CDK17: variants seen among roughly 807,000 people sequenced by gnomAD.
CDK17 encodes the protein cyclin dependent kinase 17, also known as cyclin-dependent kinase 17.
CDK17 carries 24 observed loss-of-function variants against 77.6 expected under a neutral mutation model. The observed-to-expected ratio is 0.31, with a 90% confidence interval of 0.22 to 0.44. The LOEUF (loss-of-function observed/expected upper bound fraction) is 0.44, where lower values mean the gene tolerates loss of function less well. Among genes scored for constraint, CDK17 ranks in the 20% least tolerant of loss-of-function variants. The pLI, the probability that CDK17 is intolerant of heterozygous loss-of-function variation, is 1.00. For missense variants in CDK17, 429 were observed against 622.5 expected (o/e 0.69, Z 3.31); for synonymous variants, 203 against 210.4 (o/e 0.96, Z 0.30).
chr12:96,363,533 A>G (rs1201173246), intron 1 of CDK17, among the ~76,000 whole-genome samples: 3 of 151,432 alleles, frequency 2.0e-5, no homozygotes, highest in Non-Finnish European at 4.4e-5. Flanking sequence ...TACTTTTTCA[A>G]GAGATTGTGA....
chr12:96,387,123 A>G, intron 1 of CDK17: 1 of 292,418 alleles, frequency 3.4e-6, no homozygotes, highest in South Asian at 4.4e-5. Context: ...TGTTCCATAG[A>G]CCTGTGTTCC....
At chr12:96,337,780 CTACTT>C (rs917995076) in intron 1 of CDK17, among the ~76,000 whole-genome samples, 1 of 152,136 alleles carries the variant, frequency 6.6e-6, no homozygotes, top group Non-Finnish European at 1.5e-5. Flanking sequence ...AGACTTTACA[CTACTT>C]TACACTAGAG....
chr12:96,342,287 C>A (rs1316532628), intron 1 of CDK17, among the ~76,000 whole-genome samples: 1 of 152,204 alleles, frequency 6.6e-6, no homozygotes, highest in Non-Finnish European at 1.5e-5. Context: ...ATGACAAATA[C>A]CCAACACACT....
intron 5 of CDK17, among the ~76,000 whole-genome samples, chr12:96,308,431 T>C (rs1299457854): frequency 6.6e-6 from 1 of 151,398 alleles, no homozygotes; most frequent in African/African-American, 2.4e-5. Flanking sequence ...AGTTCCATTA[T>C]ATAATAATAT....
intron 1 of CDK17, among the ~76,000 whole-genome samples, chr12:96,342,727 G>C (rs1953139848): frequency 6.6e-6 from 1 of 152,120 alleles, no homozygotes; most frequent in Non-Finnish European, 1.5e-5. Flanking sequence ...CAATTTGGGA[G>C]GCCAAGGCAG....
chr12:96,398,198 G>A (rs755083073), intron 1 of CDK17, among the ~76,000 whole-genome samples: 3 of 151,748 alleles, frequency 2.0e-5, no homozygotes, highest in East Asian at 3.9e-4. Context: ...TGGTTTACCA[G>A]ATAAAGTAAC....
intron 1 of CDK17, among the ~76,000 whole-genome samples, chr12:96,365,290 C>A (rs1238207059): frequency 6.6e-6 from 1 of 152,102 alleles, no homozygotes; most frequent in Non-Finnish European, 1.5e-5. Context: ...ATGGAGTTTA[C>A]AGAGTCTTTA....
intron 1 of CDK17, among the ~76,000 whole-genome samples, chr12:96,363,112 CA>C (rs1953522528): frequency 1.3e-5 from 2 of 152,212 alleles, no homozygotes; most frequent in East Asian, 3.9e-4. Context: ...ATACCACTTC[CA>C]GTTACGAAAG....
chr12:96,399,942 G>C (rs1039377051), intron 1 of CDK17, 44 bp downstream of exon 1: 1 of 340,608 alleles, frequency 2.9e-6, no homozygotes. Context: ...CGGCCGACCC[G>C]ACACCAGGGG....
rs1010781980 is a variant in CDK17 at position 96,282,598 on chromosome 12, T to C, written c.1367A>G (p.Tyr456Cys). The change falls in exon 15 of 17, where the codon TAT becomes TGT. Residue 456 changes from tyrosine to cysteine, a missense_variant and splice_region_variant. Tyr to Cys is a radical substitution (Grantham distance 194). This residue lies in a region of CDK17 where 115 missense variants were observed against 124.2 expected (regional missense o/e 0.93). Coordinates refer to ENST00000261211, the MANE Select transcript of CDK17 (RefSeq NM_002595.5). ...GIELITKFLQYESKKRVSAEE... is the reference protein window; with the variant it reads ...GIELITKFLQCESKKRVSAEE... ...AGCTGAAACCCTTTTCTTAGATTCATACTGTGAAAAAGCAAAGAACTGCTT... is the reference window on the plus strand; with the variant it reads ...AGCTGAAACCCTTTTCTTAGATTCACACTGTGAAAAAGCAAAGAACTGCTT... 1.9e-6 allele frequency: 3 copies of C among 1,606,476 alleles called. No individual in the cohort carries two copies. Among genetic ancestry groups the C allele is most frequent in the African/African-American group, 1.3e-5 (1 of 74,804 alleles).
chr12:96,332,577 G>T (rs764396719), intron 2 of CDK17, among the ~76,000 whole-genome samples: 1 of 152,198 alleles, frequency 6.6e-6, no homozygotes, highest in Non-Finnish European at 1.5e-5. Context: ...GACCAAAAAG[G>T]TGTAGAATCT....
At chr12:96,377,727 TC>T (rs1254704665) in intron 1 of CDK17, among the ~76,000 whole-genome samples, 1 of 143,566 alleles carries the variant, frequency 7.0e-6, no homozygotes, top group African/African-American at 2.6e-5. Context: ...GGAGTCTCGC[TC>T]TGTCGCCCAG....
At chr12:96,289,381 G>A in intron 10 of CDK17, 94 bp from the exon 11 acceptor site, 6 of 1,381,176 alleles carry the variant, frequency 4.3e-6, no homozygotes, top group South Asian at 3.7e-5. Context: ...AGGGATGCCT[G>A]AAATGGTTAA....
At chr12:96,372,159 A>T (rs1465325920) in intron 1 of CDK17, among the ~76,000 whole-genome samples, 1 of 152,168 alleles carries the variant, frequency 6.6e-6, no homozygotes, top group Admixed American at 6.5e-5. Flanking sequence ...AAGCCTTTAT[A>T]AGACAAATTC....
chr12:96,355,524 C>T (rs1953380944), intron 1 of CDK17, among the ~76,000 whole-genome samples: 1 of 151,428 alleles, frequency 6.6e-6, no homozygotes, highest in Admixed American at 6.6e-5. Context: ...CCTGCCTCAG[C>T]CTCCAGAGTA....
intron 1 of CDK17, among the ~76,000 whole-genome samples, chr12:96,385,517 T>A (rs758077219): frequency 5.9e-5 from 9 of 152,146 alleles, no homozygotes; most frequent in East Asian, 3.9e-4. Flanking sequence ...AAATAAAAGT[T>A]GAAATTATTT....
intron 4 of CDK17, among the ~76,000 whole-genome samples, chr12:96,312,047 G>T (rs921688735): frequency 6.6e-6 from 1 of 152,182 alleles, no homozygotes; most frequent in Non-Finnish European, 1.5e-5. Flanking sequence ...CTACAGGTCA[G>T]GCGCAGTGGC....
At chr12:96,338,655 T>G (rs1592737823) in intron 1 of CDK17, among the ~76,000 whole-genome samples, 1 of 152,138 alleles carries the variant, frequency 6.6e-6, no homozygotes, top group East Asian at 1.9e-4. Flanking sequence ...CCTCTCAAAG[T>G]GCTGGGATTA....
chr12:96,332,028 T>C (rs1021079984), intron 2 of CDK17, among the ~76,000 whole-genome samples: 1 of 152,222 alleles, frequency 6.6e-6, no homozygotes, highest in Non-Finnish European at 1.5e-5. Context: ...GTGATGCCAG[T>C]GATGCCACAC....
Sources: gnomAD v4.1 joint callset for allele counts (sites outside exome capture counted in the v4.1 genomes callset) on GRCh38, gnomAD v4.1.1 for gene constraint, gnomAD v4.1.1 regional missense constraint, MANE v1.5 for transcripts, NCBI Gene and HGNC (gene_info 2026-07-23, HGNC 2026-07-21) for gene names.